EPS8L1: variants seen among roughly 807,000 people sequenced by gnomAD.
EPS8L1 encodes epidermal growth factor receptor kinase substrate 8-like protein 1.
Under a neutral mutation model 91.7 loss-of-function variants are expected in EPS8L1, and 101 were observed. That is an observed-to-expected ratio of 1.10 (90% CI 0.94 to 1.30). The LOEUF is 1.30. EPS8L1 is among the 50% of genes most tolerant of loss of function. The pLI is 0.00. For synonymous variants in EPS8L1, 506 were observed against 445.3 expected (o/e 1.14, Z -1.72); for missense variants, 1,114 against 1,017.0 (o/e 1.10, Z -1.30).
Position 55,079,806 on chromosome 19 carries a change from G to T in EPS8L1, c.234G>T (p.Leu78=). The change falls in exon 5 of 20, where the codon CTG becomes CTT. Residue 78 remains leucine, a synonymous_variant. Transcript: ENST00000201647. ...GAGTCTGGGCACAGGAGATGCTGCT[G>T]CGAGTGTCTCCCGACCATGTCACGC... is the stretch of plus-strand genomic sequence containing the variant. ...QGRVWAQEML[L]RVSPDHVTLL... is the part of the protein sequence containing the mutation. 1 of 1,614,066 alleles carries T rather than the reference G, an allele frequency of 6.2e-7. No individual in the cohort carries two copies. The highest frequency in any genetic ancestry group is 8.5e-7 in the Non-Finnish European group (1 of 1,180,000).
intron 2 of EPS8L1, 86 bp downstream of exon 2, chr19:55,076,547 C>T: frequency 2.0e-6 from 3 of 1,498,308 alleles, no homozygotes; most frequent in Non-Finnish European, 2.7e-6. Context: ...TGCGGCAGCC[C>T]AGACTGTTTG....
At chr19:55,076,267 AGGGAGGAGGGGCTGG>A (rs2076131360) in intron 1 of EPS8L1, 126 bp from the exon 2 acceptor site, 1 of 629,550 alleles carries the variant, frequency 1.6e-6, no homozygotes, top group South Asian at 2.1e-5. Flanking sequence ...TCTGGGTCTG[AGGGAGGAGGGGCTGG>A]GGGCCTGGAC....
intron 2 of EPS8L1, among the ~76,000 whole-genome samples, 154 bp downstream of exon 2, chr19:55,076,615 C>T (rs2147120813): frequency 6.6e-6 from 1 of 152,322 alleles, no homozygotes; most frequent in East Asian, 1.9e-4. Flanking sequence ...GAGCCTCTCT[C>T]CTCCCTGCCC....
intron 4 of EPS8L1, among the ~76,000 whole-genome samples, 190 bp downstream of exon 4, chr19:55,079,247 A>G (rs2076202132): frequency 6.6e-6 from 1 of 152,146 alleles, no homozygotes; most frequent in Non-Finnish European, 1.5e-5. Context: ...GGGTCCACTT[A>G]ATCTGCCAGC....
chr19:55,086,085 T>C lies in EPS8L1; in HGVS notation c.1543T>C (p.Trp515Arg), dbSNP rs1264865652. ...LEVLDDSRKW[W>R]KVRDPAGQEG... ...GGTCCTGGATGACAGTCGTAAGTGG[T>C]GGAAGGTTCGGGACCCAGCGGGGCA... is the stretch of plus-strand genomic sequence containing the variant. Residue 515 changes from tryptophan (W) to arginine (R), a missense_variant, in exon 16 of 20, where the codon TGG becomes CGG. Transcript: ENST00000201647. The C allele has an allele frequency of 3.8e-6, 6 of 1,599,462 alleles. No individual in the cohort carries two copies. The highest frequency in any genetic ancestry group is 2.6e-6 in the Non-Finnish European group (3 of 1,170,934).
At chr19:55,086,675 T>C (rs1339093653) in intron 17 of EPS8L1, 39 bp from the exon 18 acceptor site, 2 of 826,566 alleles carry the variant, frequency 2.4e-6, no homozygotes, top group East Asian at 5.0e-5. Context: ...CCCCTCGCCC[T>C]GAGCCCGCAC....
intron 14 of EPS8L1, among the ~76,000 whole-genome samples, chr19:55,084,886 G>A (rs1329792986): frequency 6.6e-6 from 1 of 152,174 alleles, no homozygotes; most frequent in African/African-American, 2.4e-5. Flanking sequence ...CCAGGTTCAA[G>A]TTCAAGTCCA....
At position 55,081,275 on chromosome 19, in the gene EPS8L1, A is replaced by G. The variant is rs765376133; in HGVS notation, c.557A>G (p.Glu186Gly). ...ELQRDRSPAA[E>G]TPPLQRRPSV... ...CAGCGCGACCGCTCGCCCGCCGCTG[A>G]GACCCCGCCCCTGCAGCGCCGCCCG... Residue 186 changes from glutamate to glycine, a missense_variant, in exon 8 of 20, where the codon GAG becomes GGG. By Grantham distance (98) the Glu-to-Gly change is moderately conservative. Coordinates refer to ENST00000201647, the MANE Select transcript of EPS8L1 (RefSeq NM_133180.3). This position sits in a 1 kb window ranked among gnomAD's most constrained non-coding sequence, Gnocchi z 4.9. The G allele has an allele frequency of 1.3e-6, 2 of 1,536,484 alleles. No homozygotes were observed. The highest frequency in any genetic ancestry group is 1.7e-6 in the Non-Finnish European group (2 of 1,151,102).
Position 55,081,742 on chromosome 19 carries a change from G to C in EPS8L1, c.775-31G>C. 1 of 1,580,996 alleles carries C rather than the reference G, an allele frequency of 6.3e-7. No homozygotes were observed. The highest frequency in any genetic ancestry group is 8.6e-7 in the Non-Finnish European group (1 of 1,160,960). ...ACGGGGATGGTTTTGGAACTCGGGA[G>C]CCCTGAGCGTCCCCCTCCTCTGTCC... On this transcript the variant is annotated intron_variant, in intron 8 of 19. Coordinates refer to ENST00000201647, the MANE Select transcript of EPS8L1 (RefSeq NM_133180.3). The surrounding 1 kb of genome is among the most constrained non-coding windows in gnomAD (Gnocchi z 4.9).
In EPS8L1 at chr19:55,087,805, G is replaced by A; in HGVS notation, c.*191G>A. ...TCCGGAGAGGATCTGGACTGGCTGG[G>A]AGTGGGGAGGGCGTGGAGACAGTCT... On this transcript the variant is annotated 3_prime_UTR_variant, in exon 20 of 20. Transcript: ENST00000201647. The A allele has an allele frequency of 1.6e-6, 1 of 643,860 alleles. No individual in the cohort carries two copies. Among genetic ancestry groups the A allele is most frequent in the East Asian group, 2.8e-5 (1 of 35,298 alleles). The allele number at this position is 643,860 out of a possible 1,614,324, so 39.9% of individuals were successfully genotyped here.
chr19:55,085,240 A>C (rs2076342341), intron 14 of EPS8L1, among the ~76,000 whole-genome samples: 1 of 152,180 alleles, frequency 6.6e-6, no homozygotes, highest in Non-Finnish European at 1.5e-5. Flanking sequence ...ATCTCAGCTC[A>C]CTGCAACTTC....
In EPS8L1 at chr19:55,080,320, G is replaced by T. The variant is rs993427336; in HGVS notation, c.429+42G>T. 1.9e-6 allele frequency: 3 copies of T among 1,540,084 alleles called. No homozygotes were observed. The African/African-American group carries it at 4.1e-5, about 21-fold the overall frequency. ...GCTCTGGGGGTGGAGCTGGAACTGG[G>T]CGGAGCCTGGAGCCGGGGCGGAAAT... is the stretch of plus-strand genomic sequence containing the variant. On this transcript the variant is annotated intron_variant, in intron 6 of 19. Transcript: ENST00000201647.
intron 6 of EPS8L1, 145 bp downstream of exon 6, chr19:55,080,423 A>T: frequency 1.2e-6 from 2 of 1,600,098 alleles, no homozygotes; most frequent in Non-Finnish European, 1.7e-6. Context: ...CCTGGGAAGG[A>T]AGTTCTGGAA....
rs767652689 is a variant in EPS8L1 at position 55,079,819 on chromosome 19, G to A, written c.247G>A (p.Asp83Asn). The A allele has an allele frequency of 8.1e-5, 131 of 1,613,836 alleles. 1 individual carries two copies. In the East Asian group the frequency reaches 2.1e-3, roughly 26 times the overall value. ...GGAGATGCTGCTGCGAGTGTCTCCC[G>A]ACCATGTCACGCTGCTCGACCCGGC... is the stretch of plus-strand genomic sequence containing the variant. Reference protein sequence around the residue: ...AQEMLLRVSPDHVTLLDPASK... With the variant: ...AQEMLLRVSPNHVTLLDPASK... Residue 83 changes from aspartate (D) to asparagine (N), a missense_variant, in exon 5 of 20, where the codon GAC becomes AAC. Transcript: ENST00000201647.
rs748279578 is a variant in EPS8L1 at position 55,079,094 on chromosome 19, T to C, written c.117+37T>C. The C allele has an allele frequency of 5.6e-6, 9 of 1,610,760 alleles. No homozygotes were observed. The East Asian group carries it at 1.8e-4, about 32-fold the overall frequency. On this transcript the variant is annotated intron_variant, in intron 4 of 19. Coordinates refer to ENST00000201647, the MANE Select transcript of EPS8L1 (RefSeq NM_133180.3). ...GTCTGTGTTCCCCCAGGACATCTTC[T>C]GGGGCAAAGGTGGCCTCAGGAGATA...
intron 4 of EPS8L1, 52 bp from the exon 5 acceptor site, chr19:55,079,638 G>C: frequency 6.3e-7 from 1 of 1,578,548 alleles, no homozygotes; most frequent in East Asian, 2.3e-5. Context: ...GGGATTCTGA[G>C]CCCACCTGGC....
rs370786571 is a variant in EPS8L1 at position 55,080,462 on chromosome 19, G to A, written c.429+184G>A. On this transcript the variant is annotated intron_variant, in intron 6 of 19. Coordinates refer to ENST00000201647, the MANE Select transcript of EPS8L1 (RefSeq NM_133180.3). ...AGTGGGGTTTGAGATTGGACCCAGG[G>A]TCAAGATAGAACATGAAGGTGGGAT... is the stretch of plus-strand genomic sequence containing the variant. 4.3e-6 allele frequency: 7 copies of A among 1,612,914 alleles called. No individual in the cohort carries two copies. The African/African-American group carries it at 8.0e-5, about 18-fold the overall frequency.
Position 55,079,697 on chromosome 19 carries a change from T to C in EPS8L1, c.125T>C (p.Val42Ala). The C allele has an allele frequency of 6.2e-7, 1 of 1,613,776 alleles. No individual in the cohort carries two copies. Among genetic ancestry groups the C allele is most frequent in the South Asian group, 1.1e-5 (1 of 91,046 alleles). ...DVSQYPVNHL[V>A]TFCLGEDDGV... ...CTCCATGGTCCGTACCAGCACCTGG[T>C]GACGTTCTGCCTGGGTGAGGACGAT... The change falls in exon 5 of 20, where the codon GTG becomes GCG. Residue 42 changes from valine to alanine, a missense_variant. Coordinates refer to ENST00000201647, the MANE Select transcript of EPS8L1 (RefSeq NM_133180.3).
At chr19:55,077,581 T>C (rs1157138612) in intron 2 of EPS8L1, among the ~76,000 whole-genome samples, 1 of 133,204 alleles carries the variant, frequency 7.5e-6, no homozygotes, top group Non-Finnish European at 1.6e-5. Context: ...TGACCTGACC[T>C]GTCTTTTTTT....
Sources: gnomAD v4.1 joint callset for allele counts (sites outside exome capture counted in the v4.1 genomes callset) on GRCh38, gnomAD v4.1.1 for gene constraint, Gnocchi (gnomAD v3.1) non-coding constraint, MANE v1.5 for transcripts, NCBI Gene and HGNC (gene_info 2026-07-23, HGNC 2026-07-21) for gene names.